The following UGCG variants were observed in gnomAD, a reference collection of about 807,000 sequenced individuals.
The protein encoded by UGCG is UDP-glucose ceramide glucosyltransferase.
Under a neutral mutation model 49.5 loss-of-function variants are expected in UGCG, and 10 were observed. That is an observed-to-expected ratio of 0.20 (90% CI 0.12 to 0.34). The LOEUF (loss-of-function observed/expected upper bound fraction) is 0.34, where lower values mean the gene tolerates loss of function less well. Among genes scored for constraint, UGCG ranks in the 10% least tolerant of loss-of-function variants. The pLI is 1.00. For missense variants in UGCG, 312 were observed against 483.7 expected (o/e 0.65, Z 3.33); for synonymous variants, 182 against 158.2 (o/e 1.15, Z -1.13).
At chr9:111,925,010 T>C (rs1323697497) in intron 4 of UGCG, 132 bp downstream of exon 4, 1 of 393,292 alleles carries the variant, frequency 2.5e-6, no homozygotes, top group Non-Finnish European at 4.3e-6. Context: ...CATTTCATGG[T>C]AATATGTCCA....
chr9:111,916,026 TTCAA>T (rs1167361209), intron 2 of UGCG, among the ~76,000 whole-genome samples: 28 of 152,262 alleles, frequency 1.8e-4, no homozygotes, highest in African/African-American at 5.8e-4. Context: ...ATGTGTTAAC[TTCAA>T]TCAAATATAT....
chr9:111,918,982 A>G (rs1354035456), intron 2 of UGCG, among the ~76,000 whole-genome samples: 1 of 151,844 alleles, frequency 6.6e-6, no homozygotes, highest in Non-Finnish European at 1.5e-5. Context: ...CTTGCATCTG[A>G]ATAAAGGCAG....
At position 111,932,562 on chromosome 9, in the gene UGCG, G is replaced by A. The variant is rs117041148; in HGVS notation, c.1014+203G>A. Among the ~76,000 whole-genome samples the A allele has an allele frequency of 5.5e-3, 839 of 152,204 alleles. 10 individuals are homozygous for A. In the East Asian group the frequency reaches 0.063, roughly 12 times the overall value. On this transcript the variant is annotated intron_variant, in intron 8 of 8. Transcript: ENST00000374279. Reference sequence around the variant, plus strand: ...GCAACTTTCTATTGGTTATATAATCGCTTTTATTAAGTTTCCAAAAACATG... The same window carrying A: ...GCAACTTTCTATTGGTTATATAATCACTTTTATTAAGTTTCCAAAAACATG...
chr9:111,931,562 T>A (rs542908062), intron 7 of UGCG, among the ~76,000 whole-genome samples: 32 of 152,348 alleles, frequency 2.1e-4, no homozygotes, highest in African/African-American at 7.0e-4. Context: ...CTGAAAGCAC[T>A]CATTAGAGAA....
intron 1 of UGCG, among the ~76,000 whole-genome samples, chr9:111,908,288 A>T (rs976257703): frequency 2.6e-5 from 4 of 152,210 alleles, no homozygotes; most frequent in Non-Finnish European, 5.9e-5. Context: ...AACAACGCGG[A>T]TGATTCTCAC....
intron 1 of UGCG, among the ~76,000 whole-genome samples, chr9:111,898,265 T>G (rs1344609043): frequency 1.3e-5 from 2 of 152,132 alleles, no homozygotes; most frequent in Admixed American, 6.5e-5. Flanking sequence ...ATTACTGATA[T>G]CGATTCACTT....
intron 1 of UGCG, among the ~76,000 whole-genome samples, chr9:111,899,930 C>T (rs1229947891): frequency 2.6e-5 from 4 of 152,060 alleles, no homozygotes; most frequent in African/African-American, 4.8e-5. Flanking sequence ...GGGTATGTTT[C>T]AAAGCTTCTA....
intron 2 of UGCG, among the ~76,000 whole-genome samples, chr9:111,918,146 A>G (rs1327555103): frequency 1.3e-5 from 2 of 152,038 alleles, no homozygotes; most frequent in Admixed American, 6.6e-5. Flanking sequence ...GGTTCAAGCA[A>G]TTCTCCCGTG....
At chr9:111,905,469 T>G (rs1439901378) in intron 1 of UGCG, among the ~76,000 whole-genome samples, 2 of 152,056 alleles carry the variant, frequency 1.3e-5, no homozygotes, top group East Asian at 1.9e-4. Flanking sequence ...CTTTTTTTTT[T>G]TTTGAGAGGG....
At chr9:111,901,397 T>C (rs1216619085) in intron 1 of UGCG, among the ~76,000 whole-genome samples, 1 of 152,150 alleles carries the variant, frequency 6.6e-6, no homozygotes, top group Non-Finnish European at 1.5e-5. Context: ...GGTCAAACGT[T>C]CATCAGTCAG....
chr9:111,914,544 G>A (rs1401778767), intron 1 of UGCG, 61 bp from the exon 2 acceptor site: 7 of 1,501,762 alleles, frequency 4.7e-6, no homozygotes, highest in Non-Finnish European at 3.6e-6. Context: ...TAGCTTGTCA[G>A]TGCTTTGATT....
chr9:111,897,132 G>A lies in UGCG; in HGVS notation c.-84G>A, dbSNP rs923530719. 1.1e-4 allele frequency: 102 copies of A among 944,192 alleles called. No individual in the cohort carries two copies. In the African/African-American group the frequency reaches 1.5e-3, roughly 14 times the overall value. 58.5% of individuals were successfully genotyped at this position (944,192 alleles called of 1,614,324 possible). ...CTCTCGCCTCCCGCGCCCCCGCACC[G>A]GGCGCCCACCCTGTCCTCCTCCTGC... On this transcript the variant is annotated 5_prime_UTR_variant, in exon 1 of 9. Transcript: ENST00000374279.
intron 1 of UGCG, among the ~76,000 whole-genome samples, chr9:111,914,126 A>G (rs887655556): frequency 2.0e-5 from 3 of 152,128 alleles, no homozygotes; most frequent in Non-Finnish European, 4.4e-5. Flanking sequence ...TTCTGTGGCC[A>G]CTTCAGTGGC....
chr9:111,898,328 A>G (rs909947863), intron 1 of UGCG, among the ~76,000 whole-genome samples: 1 of 152,066 alleles, frequency 6.6e-6, no homozygotes, highest in Non-Finnish European at 1.5e-5. Context: ...AATCGTTACC[A>G]TGAACTAGAA....
At chr9:111,921,052 G>A (rs1458249596) in intron 2 of UGCG, among the ~76,000 whole-genome samples, 2 of 152,068 alleles carry the variant, frequency 1.3e-5, no homozygotes, top group Non-Finnish European at 2.9e-5. Context: ...ATAGGCGCGT[G>A]CCACTACACT....
At chr9:111,928,366 C>G (rs1838362869) in intron 5 of UGCG, among the ~76,000 whole-genome samples, 1 of 152,038 alleles carries the variant, frequency 6.6e-6, no homozygotes, top group South Asian at 2.1e-4. Context: ...TAGAAATATC[C>G]AAATTGATAC....
chr9:111,918,808 C>T (rs1297268405), intron 2 of UGCG, among the ~76,000 whole-genome samples: 2 of 151,788 alleles, frequency 1.3e-5, no homozygotes, highest in Non-Finnish European at 2.9e-5. Context: ...GCCTGTAGTC[C>T]CAGCTACTCG....
At chr9:111,914,032 T>C (rs1838066839) in intron 1 of UGCG, among the ~76,000 whole-genome samples, 1 of 152,182 alleles carries the variant, frequency 6.6e-6, no homozygotes, top group South Asian at 2.1e-4. Flanking sequence ...ATTATCCCAC[T>C]GCAAAGAAAT....
At chr9:111,901,784 ATTAG>A (rs1837778618) in intron 1 of UGCG, among the ~76,000 whole-genome samples, 1 of 152,222 alleles carries the variant, frequency 6.6e-6, no homozygotes, top group Admixed American at 6.5e-5. Flanking sequence ...TCTCTCTGAC[ATTAG>A]TTAGTTCAGC....
Sources: allele counts gnomAD v4.1 joint callset (sites outside exome capture counted in the v4.1 genomes callset), GRCh38; gene constraint gnomAD v4.1.1; transcripts MANE v1.5; gene names NCBI Gene and HGNC (gene_info 2026-07-23, HGNC 2026-07-21).